The following LIPG variants were observed in gnomAD, a reference collection of about 807,000 sequenced individuals.
LIPG encodes lipase G, endothelial type.
A neutral mutation model predicts 51.8 loss-of-function variants in LIPG; 34 were observed. That is an observed-to-expected ratio of 0.66 (90% CI 0.50 to 0.87). LIPG has a LOEUF of 0.87. Ranked by LOEUF, LIPG falls within the 40% of genes least tolerant of loss-of-function variation. The pLI is 0.00. For synonymous variants in LIPG, 246 were observed against 246.1 expected (o/e 1.00, Z 0.00); for missense variants, 580 against 652.7 (o/e 0.89, Z 1.21).
chr18:49,590,390 G>T, intron 9 of LIPG, 111 bp from the exon 10 acceptor site: 1 of 1,090,452 alleles, frequency 9.2e-7, no homozygotes, highest in South Asian at 1.3e-5. Context: ...TAGTCCCATA[G>T]GGGTGTCAGA....
chr18:49,568,496 T>G (rs1461616069), intron 3 of LIPG, among the ~76,000 whole-genome samples: 1 of 152,116 alleles, frequency 6.6e-6, no homozygotes, highest in Non-Finnish European at 1.5e-5. Flanking sequence ...TTCTCCTGCC[T>G]TAGACTCCCA....
At chr18:49,580,557 T>TGCTTGGGCCCAGGTGAGGATC (rs1450240389) in intron 5 of LIPG, among the ~76,000 whole-genome samples, 1 of 152,036 alleles carries the variant, frequency 6.6e-6, no homozygotes, top group East Asian at 1.9e-4. Context: ...GCAGGAGGAC[T>TGCTTGGGCCCAGGTGAGGATC]GCTTGGGCCC....
At chr18:49,564,437 G>T (rs1568525420) in intron 1 of LIPG, among the ~76,000 whole-genome samples, 1 of 152,220 alleles carries the variant, frequency 6.6e-6, no homozygotes, top group Non-Finnish European at 1.5e-5. Flanking sequence ...TTGGGAGCAG[G>T]GCCGTCTCCT....
intron 9 of LIPG, chr18:49,590,218 G>T: frequency 3.8e-6 from 2 of 519,840 alleles, no homozygotes; most frequent in Non-Finnish European, 7.1e-6. Flanking sequence ...TATGTTGTGG[G>T]TGGATAATAT....
chr18:49,562,549 G>T, intron 1 of LIPG, 144 bp downstream of exon 1: 1 of 781,710 alleles, frequency 1.3e-6, no homozygotes. Context: ...ATCCACCTTG[G>T]AGTCCACCTG....
At position 49,566,864 on chromosome 18, in the gene LIPG, A is replaced by G. The variant is rs1171738950; in HGVS notation, c.280-578A>G. 2.6e-5 allele frequency among the ~76,000 whole-genome samples: 4 copies of G among 152,212 alleles called. No individual in the cohort carries two copies. The East Asian group carries it at 7.7e-4, about 29-fold the overall frequency. On this transcript the variant is annotated intron_variant, in intron 2 of 9. Coordinates refer to ENST00000261292, the MANE Select transcript of LIPG (RefSeq NM_006033.4). ...GTATCACCCTTAACACGTATCTCAT[A>G]GTGGCCCTAACAGACAGTGGGGCAA... is the stretch of plus-strand genomic sequence containing the variant.
At chr18:49,569,357 A>T in intron 3 of LIPG, 80 bp from the exon 4 acceptor site, 1 of 1,183,902 alleles carries the variant, frequency 8.4e-7, no homozygotes, top group Non-Finnish European at 1.3e-6. Flanking sequence ...CTGCTCCGTG[A>T]CTGAGTTGTT....
At position 49,567,056 on chromosome 18, in the gene LIPG, A is replaced by C. The variant is rs2084613092; in HGVS notation, c.280-386A>C. Among the ~76,000 whole-genome samples the C allele has an allele frequency of 2.0e-5, 3 of 152,340 alleles. No homozygotes were observed. The South Asian group carries it at 6.2e-4, about 32-fold the overall frequency. On this transcript the variant is annotated intron_variant, in intron 2 of 9. Transcript: ENST00000261292. ...GCAGATTCTAAAATTGTCTGGGGGC[A>C]CTGGGCATGGTGGCTCACGCCTATA...
intron 2 of LIPG, 22 bp downstream of exon 2, chr18:49,565,520 T>C (rs61761315): frequency 6.2e-7 from 1 of 1,613,642 alleles, no homozygotes; most frequent in Non-Finnish European, 8.5e-7. Flanking sequence ...GAGGGAGCTC[T>C]GCGGCTTTAT....
At chr18:49,577,963 G>T (rs2084744583) in intron 5 of LIPG, among the ~76,000 whole-genome samples, 1 of 134,278 alleles carries the variant, frequency 7.4e-6, no homozygotes, top group Non-Finnish European at 1.6e-5. Flanking sequence ...CGGCTGGCCG[G>T]GCAGGGGGCT....
chr18:49,581,805 G>A lies in LIPG; in HGVS notation c.1036+148G>A, dbSNP rs1317767372. On this transcript the variant is annotated intron_variant, in intron 6 of 9. Transcript: ENST00000261292. ...TTGCAAATCAGATTACACTGTGCAT[G>A]TCCTAGGAAAGGGAATCTTTACAAA... is the stretch of plus-strand genomic sequence containing the variant. The A allele has an allele frequency of 1.0e-5, 10 of 993,596 alleles. No individual in the cohort carries two copies. In the African/African-American group the frequency reaches 1.6e-4, roughly 16 times the overall value. 61.5% of individuals were successfully genotyped at this position (993,596 alleles called of 1,614,324 possible).
intron 3 of LIPG, 64 bp from the exon 4 acceptor site, chr18:49,569,373 G>T: frequency 7.4e-7 from 1 of 1,352,466 alleles, no homozygotes; most frequent in Non-Finnish European, 1.1e-6. Flanking sequence ...TTGTTGAACT[G>T]CTGGTGATTC....
chr18:49,574,419 G>A (rs1219260872), intron 4 of LIPG, among the ~76,000 whole-genome samples: 1 of 152,144 alleles, frequency 6.6e-6, no homozygotes, highest in African/African-American at 2.4e-5. Flanking sequence ...CTACCCACTA[G>A]GAGTTCAGGC....
chr18:49,577,768 G>A (rs1170014166), intron 5 of LIPG, among the ~76,000 whole-genome samples: 2 of 106,162 alleles, frequency 1.9e-5, no homozygotes, highest in Non-Finnish European at 1.9e-5. Context: ...CCTCCCTCCC[G>A]GATGGGGCGG....
rs1455461104 is a variant in LIPG at position 49,597,769 on chromosome 18, T to C, written c.*7247T>C. ...GTTTAATACCTTCACCAGAGGCAAA[T>C]GGTTTTGGACTCACAAGAATTGCTC... On this transcript the variant is annotated 3_prime_UTR_variant, in exon 10 of 10. Transcript: ENST00000261292. 6.6e-6 allele frequency: 1 copy of C among 152,178 alleles called. No homozygotes were observed. Among genetic ancestry groups the C allele is most frequent in the Non-Finnish European group, 1.5e-5 (1 of 68,044 alleles). The allele number at this position is 152,178 out of a possible 1,614,324, so 9.4% of individuals were successfully genotyped here.
chr18:49,564,281 T>C (rs2084580336), intron 1 of LIPG, among the ~76,000 whole-genome samples: 1 of 152,262 alleles, frequency 6.6e-6, no homozygotes. Flanking sequence ...ATACTCTCAC[T>C]TTCTAGCCAG....
chr18:49,576,941 A>C (rs2084725724), intron 5 of LIPG, among the ~76,000 whole-genome samples: 1 of 152,232 alleles, frequency 6.6e-6, no homozygotes, highest in African/African-American at 2.4e-5. Flanking sequence ...ATCAGAGCAC[A>C]CAGATTTACT....
In LIPG at chr18:49,595,598, G is replaced by A. The variant is rs1252670933; in HGVS notation, c.*5076G>A. 6.6e-6 allele frequency: 1 copy of A among 152,260 alleles called. No homozygotes were observed. Among genetic ancestry groups the A allele is most frequent in the African/African-American group, 2.4e-5 (1 of 41,476 alleles). 9.4% of individuals were successfully genotyped at this position (152,260 alleles called of 1,614,324 possible). On this transcript the variant is annotated 3_prime_UTR_variant, in exon 10 of 10. Coordinates refer to ENST00000261292, the MANE Select transcript of LIPG (RefSeq NM_006033.4). ...TAATCTCAGCACTTTGGGAGGCTGA[G>A]ATGGGAGGATCACGAGGTCAGGAGT...
chr18:49,579,787 T>TCC (rs1568533557), intron 5 of LIPG, among the ~76,000 whole-genome samples: 2 of 88,674 alleles, frequency 2.3e-5, no homozygotes, highest in African/African-American at 7.3e-5. Context: ...TCTTTTCTTT[T>TCC]CTTTTCTTTT....
Sources: allele counts gnomAD v4.1 joint callset (sites outside exome capture counted in the v4.1 genomes callset), GRCh38; gene constraint gnomAD v4.1.1; transcripts MANE v1.5; gene names NCBI Gene and HGNC (gene_info 2026-07-23, HGNC 2026-07-21).